MROH9: variants seen among roughly 807,000 people sequenced by gnomAD.
MROH9 encodes maestro heat like repeat family member 9.
A neutral mutation model predicts 98.2 loss-of-function variants in MROH9; 92 were observed. That is an observed-to-expected ratio of 0.94 (90% CI 0.79 to 1.11). The LOEUF is 1.11. Ranked by LOEUF, MROH9 falls within the 50% of genes most tolerant of loss-of-function variation. MROH9 has a pLI of 0.00. For missense variants in MROH9, 1,057 were observed against 1,014.8 expected (o/e 1.04, Z -0.57); for synonymous variants, 397 against 368.9 (o/e 1.08, Z -0.87).
chr1:170,999,921 T>C (rs1238897600), intron 15 of MROH9, among the ~76,000 whole-genome samples: 5 of 152,202 alleles, frequency 3.3e-5, no homozygotes, highest in South Asian at 2.1e-4. Flanking sequence ...ATTTGCATTT[T>C]CCTGATTATT....
At chr1:170,965,328 G>A (rs1247867948) in intron 7 of MROH9, 73 bp downstream of exon 7, 1 of 1,056,868 alleles carries the variant, frequency 9.5e-7, no homozygotes, top group African/African-American at 1.6e-5. Flanking sequence ...TCCATGTCTT[G>A]GGTCCTAACA....
chr1:171,027,332 G>A (rs1029362221), intron 20 of MROH9, among the ~76,000 whole-genome samples: 1 of 152,132 alleles, frequency 6.6e-6, no homozygotes, highest in Non-Finnish European at 1.5e-5. Context: ...GTATTAGTTT[G>A]CTGAGAATGA....
chr1:170,995,878 T>A (rs1268697031), intron 13 of MROH9, among the ~76,000 whole-genome samples: 1 of 152,182 alleles, frequency 6.6e-6, no homozygotes, highest in Non-Finnish European at 1.5e-5. Context: ...TGCCATTTAC[T>A]TACTTTCTGC....
At chr1:171,016,994 G>A (rs1281891108) in intron 17 of MROH9, among the ~76,000 whole-genome samples, 2 of 152,114 alleles carry the variant, frequency 1.3e-5, no homozygotes, top group Non-Finnish European at 2.9e-5. Flanking sequence ...AAATTATCTT[G>A]CCAAAACTTC....
chr1:171,048,901 G>A (rs1653560059), intron 20 of MROH9, among the ~76,000 whole-genome samples: 1 of 152,182 alleles, frequency 6.6e-6, no homozygotes, highest in Non-Finnish European at 1.5e-5. Context: ...CTTCAAGGCA[G>A]TGGGTTCCCT....
chr1:170,989,258 G>A (rs904525146), intron 10 of MROH9, among the ~76,000 whole-genome samples: 1 of 152,108 alleles, frequency 6.6e-6, no homozygotes, highest in Admixed American at 6.6e-5. Flanking sequence ...ATTTGATATT[G>A]AATACACAGC....
chr1:171,026,213 GCA>G (rs147755079), intron 20 of MROH9, among the ~76,000 whole-genome samples: 21 of 149,878 alleles, frequency 1.4e-4, no homozygotes, highest in African/African-American at 2.7e-4. Context: ...GCACGTGCGC[GCA>G]CACACACACA....
intron 20 of MROH9, among the ~76,000 whole-genome samples, chr1:171,054,518 A>C (rs1161350957): frequency 1.3e-5 from 2 of 152,198 alleles, no homozygotes; most frequent in Non-Finnish European, 2.9e-5. Context: ...CAACAAAATT[A>C]AGATAAACAG....
chr1:170,970,812 G>T (rs1038704696), intron 7 of MROH9, among the ~76,000 whole-genome samples: 2 of 150,924 alleles, frequency 1.3e-5, no homozygotes, highest in African/African-American at 4.9e-5. Context: ...ATAAAGGGCA[G>T]GGAAAATGGG....
At chr1:171,042,224 G>A (rs183261134) in intron 20 of MROH9, among the ~76,000 whole-genome samples, 42 of 152,098 alleles carry the variant, frequency 2.8e-4, no homozygotes, top group African/African-American at 1.0e-3. Flanking sequence ...CCACAAATAA[G>A]TGAGAACATG....
At chr1:171,041,564 T>C (rs899404820) in intron 20 of MROH9, among the ~76,000 whole-genome samples, 5 of 151,686 alleles carry the variant, frequency 3.3e-5, no homozygotes, top group African/African-American at 1.2e-4. Context: ...TACAATTATT[T>C]GTTTTTCTTC....
intron 1 of MROH9, among the ~76,000 whole-genome samples, chr1:170,935,982 C>CAAAAAAAAAAAAAA (rs59883013): frequency 6.4e-5 from 4 of 62,248 alleles, no homozygotes; most frequent in Non-Finnish European, 1.2e-4. Context: ...CAGAGTGAGA[C>CAAAAAAAAAAAAAA]AAAAAAAAAA....
At chr1:171,044,016 C>A (rs146579994) in intron 20 of MROH9, among the ~76,000 whole-genome samples, 1 of 152,042 alleles carries the variant, frequency 6.6e-6, no homozygotes, top group Non-Finnish European at 1.5e-5. Context: ...TGAATAACAG[C>A]GATGACAGTG....
chr1:170,950,827 C>T (rs1267842750), intron 3 of MROH9, among the ~76,000 whole-genome samples: 1 of 152,076 alleles, frequency 6.6e-6, no homozygotes, highest in Non-Finnish European at 1.5e-5. Flanking sequence ...TACAATCCAT[C>T]TTTTGCTCTT....
At chr1:171,057,689 A>C (rs1653889191) in intron 20 of MROH9, among the ~76,000 whole-genome samples, 1 of 152,218 alleles carries the variant, frequency 6.6e-6, no homozygotes, top group Non-Finnish European at 1.5e-5. Flanking sequence ...GGTCAAAATA[A>C]GGGAAAAAAT....
intron 20 of MROH9, among the ~76,000 whole-genome samples, chr1:171,034,243 T>A (rs1653024301): frequency 6.6e-6 from 1 of 152,164 alleles, no homozygotes; most frequent in Non-Finnish European, 1.5e-5. Context: ...GCTATACAGA[T>A]AACAGAACAT....
At chr1:171,045,482 G>T (rs72712606) in intron 20 of MROH9, among the ~76,000 whole-genome samples, 13,648 of 151,900 alleles carry the variant, frequency 0.09, 760 homozygotes, top group Middle Eastern at 0.21. Context: ...ATAGGTTTTG[G>T]TATGTTGTGT....
Position 170,971,870 on chromosome 1 carries a change from A to T in MROH9, c.603A>T (p.Ala201=), listed in dbSNP as rs372445945. 12 of 1,613,912 alleles carry T rather than the reference A, an allele frequency of 7.4e-6. No homozygotes were observed. The highest frequency in any genetic ancestry group is 9.3e-6 in the Non-Finnish European group (11 of 1,179,938). The change falls in exon 8 of 22, where the codon GCA becomes GCT. Residue 201 remains alanine (A), a synonymous_variant. Coordinates refer to ENST00000367759, the MANE Select transcript of MROH9 (RefSeq NM_001163629.2). ...GAATGTGTCACCTCCTCTACATTGC[A>T]CGGTGTCAGAACGGTAAGAACAGTT... is the stretch of plus-strand genomic sequence containing the variant. ...SLGMCHLLYI[A]RCQNDIGTNK... is the part of the protein sequence containing the mutation.
In MROH9 at chr1:170,958,519, T is replaced by C. The variant is rs762652907; in HGVS notation, c.131T>C (p.Met44Thr). The stretch of plus-strand genomic sequence containing the variant: ...TCAGGCCTGTTAAGTAATGAATCCA[T>C]GATCCTGGCTGTGAACTCCAGGTAT... ...AYSGLLSNES[M>T]ILAVNSSFVD... The change falls in exon 4 of 22, where the codon ATG (methionine) becomes ACG (threonine). Residue 44 changes from methionine to threonine, a missense_variant. Coordinates refer to ENST00000367759, the MANE Select transcript of MROH9 (RefSeq NM_001163629.2). 8.2e-6 allele frequency: 13 copies of C among 1,592,656 alleles called. No individual in the cohort carries two copies. Among genetic ancestry groups the C allele is most frequent in the Admixed American group, 1.7e-5 (1 of 59,768 alleles).
Sources: allele counts gnomAD v4.1 joint callset (sites outside exome capture counted in the v4.1 genomes callset), GRCh38; gene constraint gnomAD v4.1.1; transcripts MANE v1.5; gene names NCBI Gene and HGNC (gene_info 2026-07-23, HGNC 2026-07-21).